Variants in PRAG1 observed in about 807,000 individuals in gnomAD.
PRAG1 encodes the protein inactive tyrosine-protein kinase PRAG1.
In PRAG1, 110 loss-of-function variants were observed where a neutral mutation model predicts 95.6. The ratio of observed to expected loss-of-function variants is 1.15; its 90% CI spans 0.99 to 1.35. The LOEUF is 1.35. Among genes scored for constraint, PRAG1 ranks in the 40% most tolerant of loss-of-function variants. PRAG1 has a pLI of 0.00. For missense variants in PRAG1, 2,554 were observed against 1,864.7 expected, an observed-to-expected ratio of 1.37 and a Z score of -6.81; for synonymous variants, 1,052 against 819.4, an observed-to-expected ratio of 1.28 and a Z score of -4.85.
chr8:8,321,792 G>T (rs1798478813), intron 5 of PRAG1, among the ~76,000 whole-genome samples: 1 of 152,166 alleles, frequency 6.6e-6, no homozygotes, highest in African/African-American at 2.4e-5. Context: ...CCTTTGTCAA[G>T]TTACAGGGGA....
chr8:8,384,919 T>C lies in PRAG1; in HGVS notation c.-88+1402A>G, dbSNP rs952763572. Reference sequence around the variant, plus strand: ...TTTCTGATCCAAGTCATGAAAAAAATGTCTTTGCCTCTGCAAACTTCTGCA... The same window carrying C: ...TTTCTGATCCAAGTCATGAAAAAAACGTCTTTGCCTCTGCAAACTTCTGCA... On this transcript the variant is annotated intron_variant, in intron 1 of 5. Transcript: ENST00000615670. Among the ~76,000 whole-genome samples the C allele has an allele frequency of 4.6e-5, 7 of 152,180 alleles. 1 individual carries two copies. Among genetic ancestry groups the C allele is most frequent in the South Asian group, 4.1e-4 (2 of 4,834 alleles).
At chr8:8,348,788 T>C (rs1438744544) in intron 3 of PRAG1, among the ~76,000 whole-genome samples, 1 of 152,232 alleles carries the variant, frequency 6.6e-6, no homozygotes, top group Non-Finnish European at 1.5e-5. Context: ...AGAATTTGGT[T>C]ATAATCCTGG....
intron 4 of PRAG1, among the ~76,000 whole-genome samples, chr8:8,333,484 A>G (rs753217414): frequency 6.6e-6 from 1 of 152,224 alleles, no homozygotes; most frequent in Non-Finnish European, 1.5e-5. Flanking sequence ...ATATTTAGAA[A>G]GCAGAGATGA....
In PRAG1 at chr8:8,318,713, T is replaced by G; in HGVS notation, c.3662A>C (p.Lys1221Thr). 6.2e-7 allele frequency: 1 copy of G among 1,609,678 alleles called. No homozygotes were observed. The highest frequency in any genetic ancestry group is 1.1e-5 in the South Asian group (1 of 90,988). Residue 1221 changes from lysine to threonine, a missense_variant, in exon 6 of 6, where the codon AAG becomes ACG. Coordinates refer to ENST00000615670, the MANE Select transcript of PRAG1 (RefSeq NM_001080826.3). The surrounding 1 kb of genome is among the most constrained non-coding windows in gnomAD (Gnocchi z 4.2). Reference protein sequence around the residue: ...RLIISNFLKAKQKPGGTPNLQ... With the variant: ...RLIISNFLKATQKPGGTPNLQ... ...GTTTGGGGTGCCGCCCGGCTTCTGC[T>G]TGGCCTTCAAAAAGTTGCTGATGAT...
intron 4 of PRAG1, among the ~76,000 whole-genome samples, chr8:8,336,643 T>C (rs757028270): frequency 1.0e-3 from 157 of 152,180 alleles, no homozygotes; most frequent in Non-Finnish European, 2.0e-3. Flanking sequence ...GTTTTAAAAA[T>C]GTAACAAAGT....
intron 3 of PRAG1, among the ~76,000 whole-genome samples, chr8:8,359,003 G>A (rs777549364): frequency 6.6e-6 from 1 of 152,172 alleles, no homozygotes; most frequent in Non-Finnish European, 1.5e-5. Context: ...TGTAGTTAAA[G>A]TATATGTATA....
At chr8:8,375,610 G>C (rs4840950) in intron 3 of PRAG1, among the ~76,000 whole-genome samples, 53,406 of 151,724 alleles carry the variant, frequency 0.35, 9,840 homozygotes, top group East Asian at 0.64. Context: ...ACAGTTTATT[G>C]AGCACGCATT....
intron 3 of PRAG1, among the ~76,000 whole-genome samples, chr8:8,372,161 A>G (rs2116921193): frequency 1.3e-5 from 2 of 152,342 alleles, no homozygotes; most frequent in East Asian, 3.9e-4. Flanking sequence ...AGCAAAAGGC[A>G]GAAAGCAATT....
intron 3 of PRAG1, among the ~76,000 whole-genome samples, chr8:8,360,851 T>C (rs886568695): frequency 7.2e-5 from 11 of 152,322 alleles, no homozygotes; most frequent in Admixed American, 5.2e-4. Context: ...TCTTTCATAT[T>C]ATCTCAGTGG....
intron 5 of PRAG1, among the ~76,000 whole-genome samples, chr8:8,322,262 T>C (rs928559268): frequency 3.3e-5 from 5 of 152,028 alleles, no homozygotes; most frequent in Admixed American, 6.6e-5. Context: ...CTCACTGCAA[T>C]GTCTGCCTCC....
At chr8:8,356,751 A>T (rs964690754) in intron 3 of PRAG1, among the ~76,000 whole-genome samples, 1 of 152,214 alleles carries the variant, frequency 6.6e-6, no homozygotes, top group Non-Finnish European at 1.5e-5. Flanking sequence ...GAAAAAGAAC[A>T]AAGTTGGAGG....
At chr8:8,344,487 G>C (rs1307140543) in intron 3 of PRAG1, among the ~76,000 whole-genome samples, 1 of 152,214 alleles carries the variant, frequency 6.6e-6, no homozygotes, top group African/African-American at 2.4e-5. Context: ...CTTCAAGACA[G>C]TGATTGCTCT....
chr8:8,328,366 G>A lies in PRAG1; in HGVS notation c.2416C>T (p.Pro806Ser). ...GGAGGGGGCTGCTGGGGGCCACTGGGGGACACGTCCTCAGTGGAGCCTGAA... is the reference window on the plus strand; with the variant it reads ...GGAGGGGGCTGCTGGGGGCCACTGGAGGACACGTCCTCAGTGGAGCCTGAA... ...FPSGSTEDVS[P>S]SGPQQPPPLP... is the part of the protein sequence containing the mutation. Residue 806 changes from proline (P) to serine (S), a missense_variant, in exon 5 of 6, where the codon CCC (proline) becomes TCC (serine). Transcript: ENST00000615670. 3.1e-6 allele frequency: 5 copies of A among 1,613,610 alleles called. No homozygotes were observed. Among genetic ancestry groups the A allele is most frequent in the Non-Finnish European group, 3.4e-6 (4 of 1,179,890 alleles).
intron 2 of PRAG1, among the ~76,000 whole-genome samples, chr8:8,379,498 A>C (rs1340542348): frequency 6.6e-6 from 1 of 152,196 alleles, no homozygotes; most frequent in African/African-American, 2.4e-5. Flanking sequence ...GAATGGGTGT[A>C]AGCAGCTTAG....
chr8:8,344,510 G>C (rs1179503803), intron 3 of PRAG1, among the ~76,000 whole-genome samples: 1 of 152,202 alleles, frequency 6.6e-6, no homozygotes, highest in Non-Finnish European at 1.5e-5. Context: ...GTAGCAATGG[G>C]AGGTTGAAAT....
chr8:8,326,696 G>A (rs1023873450), intron 5 of PRAG1, among the ~76,000 whole-genome samples: 4 of 152,238 alleles, frequency 2.6e-5, no homozygotes, highest in African/African-American at 9.6e-5. Flanking sequence ...GCTGCCTTGA[G>A]CTAGTCACTT....
At chr8:8,375,628 C>T (rs1407502838) in intron 3 of PRAG1, among the ~76,000 whole-genome samples, 34 of 152,146 alleles carry the variant, frequency 2.2e-4, no homozygotes, top group Admixed American at 2.2e-3. Flanking sequence ...ATTTATTTGG[C>T]ATTAACTGTT....
chr8:8,369,520 G>T (rs1800122703), intron 3 of PRAG1, among the ~76,000 whole-genome samples: 1 of 152,048 alleles, frequency 6.6e-6, no homozygotes, highest in Non-Finnish European at 1.5e-5. Context: ...AAGGAGTCAG[G>T]TGCCTTTCTG....
intron 4 of PRAG1, among the ~76,000 whole-genome samples, chr8:8,332,223 G>C (rs1215683747): frequency 2.0e-5 from 3 of 150,986 alleles, no homozygotes; most frequent in African/African-American, 7.3e-5. Flanking sequence ...GTGTAATGGT[G>C]GGATCTCGGC....
Sources: gnomAD v4.1 joint callset for allele counts (sites outside exome capture counted in the v4.1 genomes callset) on GRCh38, gnomAD v4.1.1 for gene constraint, Gnocchi (gnomAD v3.1) non-coding constraint, MANE v1.5 for transcripts, NCBI Gene and HGNC (gene_info 2026-07-23, HGNC 2026-07-21) for gene names.